The following LRRC9 variants were observed in gnomAD, a reference collection of about 807,000 sequenced individuals.
The protein encoded by LRRC9 is leucine rich repeat containing 9, also known as leucine-rich repeat-containing protein 9.
LRRC9 carries 122 observed loss-of-function variants against 63.2 expected under a neutral mutation model. That is an observed-to-expected ratio of 1.93 (90% confidence interval 1.67 to 2.24). LRRC9 has a LOEUF of 2.24. Among genes scored for constraint, LRRC9 ranks in the 30% most tolerant of loss-of-function variants. The probability of loss-of-function intolerance (pLI) is 0.00; values close to 1 mark genes in which losing one functional copy is unlikely to be tolerated. For synonymous variants in LRRC9, 366 were observed against 213.1 expected (o/e 1.72, Z -6.25); for missense variants, 1,071 against 627.7 (o/e 1.71, Z -7.55).
At chr14:59,980,962 C>G (rs1281023149) in intron 15 of LRRC9, among the ~76,000 whole-genome samples, 3 of 152,100 alleles carry the variant, frequency 2.0e-5, no homozygotes, top group African/African-American at 7.2e-5. Context: ...TTCTTCTCTT[C>G]TGGAAAGTTT....
chr14:59,996,392 CTA>C (rs937504746), intron 17 of LRRC9, among the ~76,000 whole-genome samples: 1 of 152,076 alleles, frequency 6.6e-6, no homozygotes, highest in Non-Finnish European at 1.5e-5. Context: ...ACCTGAACCA[CTA>C]TAAGAAGTTC....
intron 27 of LRRC9, among the ~76,000 whole-genome samples, chr14:60,025,118 T>A (rs1255946536): frequency 6.6e-6 from 1 of 151,458 alleles, no homozygotes; most frequent in Non-Finnish European, 1.5e-5. Flanking sequence ...TGAGAAAGGG[T>A]CTCTCTGTAT....
chr14:59,943,626 T>C (rs1882027898), intron 7 of LRRC9, among the ~76,000 whole-genome samples: 2 of 152,154 alleles, frequency 1.3e-5, no homozygotes, highest in African/African-American at 4.8e-5. Flanking sequence ...TTCTTTGTTA[T>C]AATTGTTTTA....
At chr14:59,974,923 C>G (rs1458138346) in intron 13 of LRRC9, among the ~76,000 whole-genome samples, 1 of 150,422 alleles carries the variant, frequency 6.6e-6, no homozygotes, top group African/African-American at 2.4e-5. Context: ...ATTATGTCAG[C>G]ATTAAGAGGA....
At chr14:59,929,220 T>C (rs942306011) in intron 3 of LRRC9, among the ~76,000 whole-genome samples, 7 of 151,430 alleles carry the variant, frequency 4.6e-5, no homozygotes, top group African/African-American at 1.7e-4. Flanking sequence ...TAAACAAATT[T>C]ACAAGAAAAA....
intron 8 of LRRC9, among the ~76,000 whole-genome samples, chr14:59,954,969 C>A (rs532431598): frequency 6.6e-6 from 1 of 152,098 alleles, no homozygotes; most frequent in Non-Finnish European, 1.5e-5. Context: ...TATGTTGAAC[C>A]GGCCTTGCAT....
chr14:59,952,174 C>T (rs373406588), intron 8 of LRRC9, among the ~76,000 whole-genome samples: 18 of 151,566 alleles, frequency 1.2e-4, no homozygotes, highest in Non-Finnish European at 2.1e-4. Flanking sequence ...TAGGACCCTC[C>T]GAGCCAGGTG....
rs543778180 is a variant in LRRC9, at chr14:59,979,945, T to C, written c.1878+1813T>C. On this transcript the variant is annotated intron_variant, in intron 15 of 31. Coordinates refer to ENST00000445360, the Ensembl canonical transcript of LRRC9. ...AACTAACCTGCACATTGTGCACATGTACCCTAATACTTAAAGTATAATAAT... is the reference window on the plus strand; with the variant it reads ...AACTAACCTGCACATTGTGCACATGCACCCTAATACTTAAAGTATAATAAT... Among the ~76,000 whole-genome samples the C allele has an allele frequency of 3.9e-5, 6 of 152,056 alleles. No homozygotes were observed. The East Asian group carries it at 1.2e-3, about 30-fold the overall frequency.
In LRRC9 at chr14:59,967,214, G is replaced by A. The variant is rs201733276; in HGVS notation, c.1506+1G>A. ...ATTCAAAGACAGTGAAACAAGCAAG[G>A]TAGCATAAAATGTCATTTAGAATAA... On this transcript the variant is annotated splice_donor_variant, in intron 12 of 31. Transcript: ENST00000445360. LOFTEE classifies it high-confidence loss of function. 5.1e-4 allele frequency: 300 copies of A among 594,000 alleles called. No homozygotes were observed. Among genetic ancestry groups the A allele is most frequent in the Non-Finnish European group, 8.8e-4 (276 of 312,912 alleles). The allele number at this position is 594,000 out of a possible 1,614,324, so 36.8% of individuals were successfully genotyped here. A position where few individuals can be genotyped will look rare whatever the true frequency, so the allele number is the denominator to read the frequency against.
rs1022956856 is a variant in LRRC9, at chr14:59,966,907, A to G, written c.1388+142A>G. The G allele has an allele frequency of 3.6e-6, 2 of 556,942 alleles. No homozygotes were observed. Among genetic ancestry groups the G allele is most frequent in the Non-Finnish European group, 6.4e-6 (2 of 312,030 alleles). 34.5% of individuals were successfully genotyped at this position (556,942 alleles called of 1,614,324 possible). A position where few individuals can be genotyped will look rare whatever the true frequency, so the allele number is the denominator to read the frequency against. On this transcript the variant is annotated intron_variant, in intron 11 of 31. Coordinates refer to ENST00000445360, the Ensembl canonical transcript of LRRC9. The surrounding 1 kb of genome is among the most constrained non-coding windows in gnomAD (Gnocchi z 4.0). The stretch of plus-strand genomic sequence containing the variant: ...TCCTTTTTATGCATCTCCCATGGCC[A>G]GGATGACCTCATAATTTATCCACAT...
chr14:59,968,036 C>G (rs1885046318), intron 12 of LRRC9, among the ~76,000 whole-genome samples: 2 of 152,082 alleles, frequency 1.3e-5, no homozygotes, highest in African/African-American at 4.8e-5. Context: ...TATGCATCAA[C>G]AGATGAATGG....
At chr14:60,057,499 CAGAAATTCT>C (rs973025323) in intron 30 of LRRC9, 1 of 155,194 alleles carries the variant, frequency 6.4e-6, no homozygotes, top group Non-Finnish European at 1.4e-5. Context: ...TTTTACCTCC[CAGAAATTCT>C]ATTCACACAC....
chr14:59,940,579 G>C (rs1881657772), intron 7 of LRRC9, among the ~76,000 whole-genome samples: 1 of 152,062 alleles, frequency 6.6e-6, no homozygotes, highest in South Asian at 2.1e-4. Context: ...GCCCCCAACT[G>C]AATGTGCCAC....
In LRRC9 at chr14:59,932,647, T is replaced by TC. The variant is rs1283874562; in HGVS notation, c.543+609dup. Among the ~76,000 whole-genome samples, 1 of 152,092 alleles carries TC rather than the reference T, an allele frequency of 6.6e-6. No individual in the cohort carries two copies. Among genetic ancestry groups the TC allele is most frequent in the Non-Finnish European group, 1.5e-5 (1 of 67,992 alleles). On this transcript the variant is annotated intron_variant, in intron 6 of 31. Coordinates refer to ENST00000445360, the Ensembl canonical transcript of LRRC9. The surrounding 1 kb of genome is among the most constrained non-coding windows in gnomAD (Gnocchi z 4.7). ...TTCCTTCATACCCTCATCCAATCCATCAGCAAGTACAACTGGGTGCACCTT... is the reference window on the plus strand; with the variant it reads ...TTCCTTCATACCCTCATCCAATCCATCCAGCAAGTACAACTGGGTGCACCTT...
rs1566833294 is a variant in LRRC9 at position 59,975,091 on chromosome 14, ATATATATATACATATATATAT to A, written c.1639+384_1639+404del. On this transcript the variant is annotated intron_variant, in intron 13 of 31. Transcript: ENST00000445360. Reference sequence around the variant, plus strand: ...ATGTGTGTGTGTGTGTGTGTAGTGTATATATATATACATATATATATGTATATATATATATGTATATATATA... The same window carrying A: ...ATGTGTGTGTGTGTGTGTGTAGTGTAGTATATATATATATGTATATATATA... 2.3e-3 allele frequency among the ~76,000 whole-genome samples: 66 copies of A among 29,322 alleles called. 15 individuals are homozygous for A. The highest frequency in any genetic ancestry group is 4.1e-3 in the African/African-American group (61 of 15,042). The allele number at this position is 29,322 out of a possible 152,430, so 19.2% of individuals were successfully genotyped here.
chr14:60,005,547 T>C (rs2140225165), intron 21 of LRRC9, among the ~76,000 whole-genome samples: 1 of 152,242 alleles, frequency 6.6e-6, no homozygotes, highest in African/African-American at 2.4e-5. Context: ...TAATGATTTT[T>C]GCTTTGATGG....
chr14:59,937,322 T>G (rs7145451), intron 6 of LRRC9, among the ~76,000 whole-genome samples: 151,605 of 151,760 alleles, frequency 1, 75,725 homozygotes, highest in Middle Eastern at 1. Context: ...AACATTCTTT[T>G]TTTGTAGACT....
At chr14:60,025,688 AAAAAAAG>A (rs1437083593) in intron 27 of LRRC9, among the ~76,000 whole-genome samples, 4 of 152,030 alleles carry the variant, frequency 2.6e-5, no homozygotes, top group African/African-American at 9.7e-5. Flanking sequence ...ACAAAAAAAA[AAAAAAAG>A]AAAGTGACAT....
chr14:60,001,497 A>T (rs1285358406), intron 19 of LRRC9, among the ~76,000 whole-genome samples: 1 of 152,170 alleles, frequency 6.6e-6, no homozygotes. Context: ...TTCAATTTAC[A>T]TGAATTTCAA....
Sources: allele counts gnomAD v4.1 joint callset (sites outside exome capture counted in the v4.1 genomes callset), GRCh38; gene constraint gnomAD v4.1.1; non-coding constraint Gnocchi (gnomAD v3.1); transcripts MANE v1.5; gene names NCBI Gene and HGNC (gene_info 2026-07-23, HGNC 2026-07-21).